The following LPP variants were observed in gnomAD, a reference collection of about 807,000 sequenced individuals.
LPP encodes the protein LIM domain containing preferred translocation partner in lipoma.
LPP carries 38 observed loss-of-function variants against 60.4 expected under a neutral mutation model. The observed-to-expected ratio is 0.63, with a 90% CI of 0.49 to 0.83. LPP has a LOEUF of 0.83. Ranked by LOEUF, LPP falls within the 40% of genes least tolerant of loss-of-function variation. The pLI, the probability that LPP is intolerant of heterozygous loss-of-function variation, is 0.00. For synonymous variants in LPP, 328 were observed against 290.8 expected, an observed-to-expected ratio of 1.13 and a Z score of -1.30; for missense variants, 902 against 783.6, an observed-to-expected ratio of 1.15 and a Z score of -1.80.
chr3:188,769,205 A>G (rs762699251), intron 9 of LPP, among the ~76,000 whole-genome samples: 5 of 152,212 alleles, frequency 3.3e-5, no homozygotes, highest in Non-Finnish European at 7.4e-5. Context: ...CAAAAAGGGT[A>G]TTTTGGGGAT....
chr3:188,207,906 C>T (rs905971894), intron 1 of LPP, among the ~76,000 whole-genome samples: 1 of 152,178 alleles, frequency 6.6e-6, no homozygotes, highest in Non-Finnish European at 1.5e-5. Context: ...CCTTCAATTG[C>T]AGTCAGTCTC....
intron 7 of LPP, among the ~76,000 whole-genome samples, chr3:188,657,163 A>T (rs898946386): frequency 3.3e-5 from 5 of 150,292 alleles, no homozygotes; most frequent in Non-Finnish European, 7.4e-5. Flanking sequence ...AGGAGACTAT[A>T]TCTGAATTCA....
intron 4 of LPP, among the ~76,000 whole-genome samples, chr3:188,460,331 A>G (rs1798703078): frequency 1.3e-5 from 2 of 152,172 alleles, no homozygotes; most frequent in African/African-American, 4.8e-5. Context: ...CATCCATCCT[A>G]TACAAAGAGA....
chr3:188,606,570 G>A lies in LPP; in HGVS notation c.430-2591G>A, dbSNP rs74844066. 1.0e-3 allele frequency among the ~76,000 whole-genome samples: 153 copies of A among 152,090 alleles called. 7 individuals carry two copies. In the East Asian group the frequency reaches 0.021, roughly 20 times the overall value. On this transcript the variant is annotated intron_variant, in intron 6 of 11. Coordinates refer to ENST00000617246, the MANE Select transcript of LPP (RefSeq NM_001375462.1). ...GCCTGGATATTCTTGTCTTGTTGGT[G>A]GAGGGGCTTTACCTTTCTGCTTGAA...
In LPP at chr3:188,352,360, C is replaced by CA. The variant is rs1766111164; in HGVS notation, c.-10+10642dup. Among the ~76,000 whole-genome samples, 2 of 152,280 alleles carry CA rather than the reference C, an allele frequency of 1.3e-5. No individual in the cohort carries two copies. Among genetic ancestry groups the CA allele is most frequent in the Admixed American group, 1.3e-4 (2 of 15,300 alleles). On this transcript the variant is annotated intron_variant, in intron 3 of 11. Transcript: ENST00000617246. The surrounding 1 kb of genome is among the most constrained non-coding windows in gnomAD (Gnocchi z 4.4). Reference sequence around the variant, plus strand: ...TTTGGCAGCTTGTGAGCGGTGTTGCCATGACACTCCTTGGGCTCTGTTTAG... The same window carrying CA: ...TTTGGCAGCTTGTGAGCGGTGTTGCCAATGACACTCCTTGGGCTCTGTTTAG...
chr3:188,659,835 CACACAT>C lies in LPP; in HGVS notation c.1114-48431_1114-48426del, dbSNP rs371407538. ...GCACACACACACACACACACACACACACACATCATTTAAGAATAGGAAACTATTTTG... is the reference window on the plus strand; with the variant it reads ...GCACACACACACACACACACACACACCATTTAAGAATAGGAAACTATTTTG... On this transcript the variant is annotated intron_variant, in intron 7 of 11. Coordinates refer to ENST00000617246, the MANE Select transcript of LPP (RefSeq NM_001375462.1). Among the ~76,000 whole-genome samples, 902 of 131,326 alleles carry C rather than the reference CACACAT, an allele frequency of 6.9e-3. 4 individuals are homozygous for C. The highest frequency in any genetic ancestry group is 0.02 in the African/African-American group (785 of 38,784). The allele number at this position is 131,326 out of a possible 152,430, so 86.2% of individuals were successfully genotyped here. A position where few individuals can be genotyped will look rare whatever the true frequency, so the allele number is the denominator to read the frequency against.
intron 2 of LPP, among the ~76,000 whole-genome samples, chr3:188,231,719 T>C (rs1270667044): frequency 2.0e-5 from 3 of 152,162 alleles, no homozygotes; most frequent in Non-Finnish European, 4.4e-5. Flanking sequence ...ACACAGTCTC[T>C]GCTGCATAAT....
chr3:188,706,628 T>G (rs985048535), intron 7 of LPP, among the ~76,000 whole-genome samples: 3 of 152,234 alleles, frequency 2.0e-5, no homozygotes, highest in African/African-American at 7.2e-5. Flanking sequence ...ATCTTGGAGT[T>G]GTAGTAAATG....
Position 188,887,392 on chromosome 3 carries a change from C to T in LPP, c.*12913C>T, listed in dbSNP as rs562562890. 5 of 215,634 alleles carry T rather than the reference C, an allele frequency of 2.3e-5. No individual in the cohort carries two copies. Among genetic ancestry groups the T allele is most frequent in the Non-Finnish European group, 4.7e-5 (5 of 106,860 alleles). 13.4% of individuals were successfully genotyped at this position (215,634 alleles called of 1,614,324 possible). On this transcript the variant is annotated 3_prime_UTR_variant, in exon 12 of 12. Transcript: ENST00000617246. ...ACTGGAAATAGGAGAGTAGCTTGAG[C>T]AGGTTATGATATATCTGCCCAATGT...
At chr3:188,432,811 T>C (rs1432025692) in intron 4 of LPP, among the ~76,000 whole-genome samples, 2 of 152,162 alleles carry the variant, frequency 1.3e-5, no homozygotes, top group Non-Finnish European at 2.9e-5. Flanking sequence ...TAACCTTTTC[T>C]TTTTACTTTT....
chr3:188,702,711 A>T (rs1272486114), intron 7 of LPP, among the ~76,000 whole-genome samples: 1 of 152,220 alleles, frequency 6.6e-6, no homozygotes, highest in Admixed American at 6.5e-5. Flanking sequence ...CAAACATATT[A>T]GTGATTAAGA....
intron 2 of LPP, among the ~76,000 whole-genome samples, chr3:188,239,517 TG>T (rs1463201647): frequency 6.6e-6 from 1 of 152,226 alleles, no homozygotes; most frequent in Non-Finnish European, 1.5e-5. Context: ...CTATCGCTAT[TG>T]GTTTTAACAA....
intron 2 of LPP, among the ~76,000 whole-genome samples, chr3:188,313,140 GAAA>G (rs11339804): frequency 6.7e-6 from 1 of 149,424 alleles, no homozygotes; most frequent in African/African-American, 2.4e-5. Flanking sequence ...TTAAAAAAAA[GAAA>G]AAAAAAAGAA....
At chr3:188,491,516 C>T (rs1462309790) in intron 5 of LPP, among the ~76,000 whole-genome samples, 1 of 152,156 alleles carries the variant, frequency 6.6e-6, no homozygotes, top group African/African-American at 2.4e-5. Flanking sequence ...TCAGCAAACC[C>T]CAGTTGATTT....
At chr3:188,295,825 C>G (rs1248471536) in intron 2 of LPP, among the ~76,000 whole-genome samples, 1 of 152,196 alleles carries the variant, frequency 6.6e-6, no homozygotes, top group African/African-American at 2.4e-5. Flanking sequence ...CGTGCCCAGC[C>G]TTTATTTTGT....
At chr3:188,860,362 TACCATTCTGTTGGGAACACCTA>T in intron 9 of LPP, among the ~76,000 whole-genome samples, 1 of 152,260 alleles carries the variant, frequency 6.6e-6, no homozygotes, top group African/African-American at 2.4e-5. Context: ...TGTACCACAT[TACCATTCTGTTGGGAACACCTA>T]CACTTGAGCT....
At chr3:188,599,818 C>A (rs1416929021) in intron 6 of LPP, among the ~76,000 whole-genome samples, 3 of 141,824 alleles carry the variant, frequency 2.1e-5, no homozygotes, top group Non-Finnish European at 4.5e-5. Flanking sequence ...TCATTGAGGA[C>A]TAAAAATTAG....
intron 7 of LPP, among the ~76,000 whole-genome samples, chr3:188,613,307 T>TATC (rs1553944274): frequency 6.8e-6 from 1 of 147,996 alleles, no homozygotes; most frequent in East Asian, 1.9e-4. Context: ...TCTATATCTA[T>TATC]ATCTATATAT....
At chr3:188,727,048 A>G (rs1437857900) in intron 8 of LPP, among the ~76,000 whole-genome samples, 1 of 152,146 alleles carries the variant, frequency 6.6e-6, no homozygotes, top group Admixed American at 6.6e-5. Flanking sequence ...ACACACAGGT[A>G]GGTCTACAAT....
Sources: gnomAD v4.1 joint callset for allele counts (sites outside exome capture counted in the v4.1 genomes callset) on GRCh38, gnomAD v4.1.1 for gene constraint, Gnocchi (gnomAD v3.1) non-coding constraint, MANE v1.5 for transcripts, NCBI Gene and HGNC (gene_info 2026-07-23, HGNC 2026-07-21) for gene names.